The following USP43 variants were observed in gnomAD, a reference collection of about 807,000 sequenced individuals.
USP43 encodes ubiquitin carboxyl-terminal hydrolase 43.
A neutral mutation model predicts 90.7 loss-of-function variants in USP43; 33 were observed. That is an observed-to-expected ratio of 0.36 (90% CI 0.28 to 0.49). The LOEUF is 0.49. USP43 is among the 20% of genes least tolerant of loss of function. The probability of loss-of-function intolerance (pLI) is 0.98; values close to 1 mark genes in which losing one functional copy is unlikely to be tolerated. For synonymous variants in USP43, 598 were observed against 615.8 expected (o/e 0.97, Z 0.43); for missense variants, 1,274 against 1,476.4 (o/e 0.86, Z 2.25).
intron 14 of USP43, among the ~76,000 whole-genome samples, chr17:9,722,426 A>G (rs1917009984): frequency 1.3e-5 from 2 of 152,140 alleles, no homozygotes; most frequent in African/African-American, 4.8e-5. Context: ...TGGAGCCTTC[A>G]GTCCATGCCG....
chr17:9,650,669 G>A (rs565878709), intron 1 of USP43, among the ~76,000 whole-genome samples: 1 of 152,180 alleles, frequency 6.6e-6, no homozygotes, highest in Admixed American at 6.5e-5. Context: ...TCTCATTACA[G>A]GTATGAGCCA....
At chr17:9,691,050 A>C (rs1047743405) in intron 8 of USP43, among the ~76,000 whole-genome samples, 1 of 151,758 alleles carries the variant, frequency 6.6e-6, no homozygotes, top group Non-Finnish European at 1.5e-5. Context: ...GGCTTATTTC[A>C]CTAAATGTCA....
chr17:9,665,703 A>G (rs1486497184), intron 2 of USP43, among the ~76,000 whole-genome samples: 1 of 152,206 alleles, frequency 6.6e-6, no homozygotes, highest in Admixed American at 6.5e-5. Context: ...AGATGGGGTC[A>G]TTAACCTGGA....
In USP43 at chr17:9,664,730, C is replaced by CG. The variant is rs965140108; in HGVS notation, c.637-1914dup. 3.0e-4 allele frequency among the ~76,000 whole-genome samples: 45 copies of CG among 151,774 alleles called. 1 individual carries two copies. Among genetic ancestry groups the CG allele is most frequent in the African/African-American group, 7.3e-4 (30 of 41,258 alleles). On this transcript the variant is annotated intron_variant, in intron 2 of 14. Transcript: ENST00000285199. ...TCGGCTCACTTTAAGCTCCGCCTCC[C>CG]GGGGTCACGCCATTCTCCTGCCTCA...
intron 1 of USP43, among the ~76,000 whole-genome samples, chr17:9,654,615 C>T (rs1006589530): frequency 6.7e-6 from 1 of 148,964 alleles, no homozygotes; most frequent in African/African-American, 2.5e-5. Flanking sequence ...TGCCATTGCA[C>T]TCTAGCCTGG....
chr17:9,656,319 CT>C, intron 1 of USP43, 83 bp from the exon 2 acceptor site: 2 of 1,516,684 alleles, frequency 1.3e-6, no homozygotes, highest in Non-Finnish European at 1.8e-6. Flanking sequence ...ATAATGACCA[CT>C]TGGTAGACCT....
At chr17:9,700,376 C>G (rs1915501402) in intron 10 of USP43, 127 bp downstream of exon 10, 5 of 847,034 alleles carry the variant, frequency 5.9e-6, no homozygotes, top group Non-Finnish European at 9.1e-6. Context: ...CCAGTGTAAC[C>G]CGTTCCTGTG....
At chr17:9,721,913 G>A (rs956294016) in intron 14 of USP43, among the ~76,000 whole-genome samples, 1 of 107,508 alleles carries the variant, frequency 9.3e-6, no homozygotes, top group Admixed American at 8.9e-5. Flanking sequence ...TTTTTTTTTT[G>A]TATTTTTAGT....
intron 5 of USP43, among the ~76,000 whole-genome samples, chr17:9,677,439 C>A (rs760512924): frequency 6.6e-6 from 1 of 152,210 alleles, no homozygotes; most frequent in Non-Finnish European, 1.5e-5. Context: ...GCAGGAGGAC[C>A]TGCTGAGAGA....
intron 1 of USP43, among the ~76,000 whole-genome samples, chr17:9,653,945 G>A (rs1383500101): frequency 6.6e-6 from 1 of 152,144 alleles, no homozygotes; most frequent in Non-Finnish European, 1.5e-5. Flanking sequence ...ATAGGGGAAG[G>A]GTAGAGACAT....
chr17:9,688,959 G>A (rs1398896465), intron 8 of USP43, among the ~76,000 whole-genome samples: 1 of 152,152 alleles, frequency 6.6e-6, no homozygotes, highest in Non-Finnish European at 1.5e-5. Flanking sequence ...AAAGTGTTGG[G>A]ATTACAGGTG....
chr17:9,658,776 T>C (rs1305535865), intron 2 of USP43, among the ~76,000 whole-genome samples: 1 of 152,216 alleles, frequency 6.6e-6, no homozygotes, highest in East Asian at 1.9e-4. Flanking sequence ...CAAACCAGCT[T>C]CAGGTAGGGC....
intron 1 of USP43, among the ~76,000 whole-genome samples, chr17:9,647,973 A>G (rs1466113857): frequency 6.6e-6 from 1 of 152,102 alleles, no homozygotes; most frequent in Non-Finnish European, 1.5e-5. Flanking sequence ...GTGAGCCGAG[A>G]TTGCGCCACT....
chr17:9,727,706 C>T (rs761215937), intron 14 of USP43, among the ~76,000 whole-genome samples: 2 of 152,122 alleles, frequency 1.3e-5, no homozygotes, highest in Non-Finnish European at 2.9e-5. Context: ...CTGTGCTGCC[C>T]GGCATGTAGA....
chr17:9,716,353 T>TA (rs1193398614), intron 14 of USP43, among the ~76,000 whole-genome samples: 1 of 152,184 alleles, frequency 6.6e-6, no homozygotes, highest in East Asian at 1.9e-4. Flanking sequence ...GTATATTAAG[T>TA]ATACAGCTGA....
intron 12 of USP43, among the ~76,000 whole-genome samples, chr17:9,703,282 G>T (rs948456229): frequency 1.3e-5 from 2 of 151,926 alleles, no homozygotes; most frequent in Non-Finnish European, 2.9e-5. Flanking sequence ...CATTTCCCAT[G>T]CTGAACGTGC....
chr17:9,647,529 T>C (rs935747637), intron 1 of USP43: 2 of 152,202 alleles, frequency 1.3e-5, no homozygotes, highest in African/African-American at 4.8e-5. Flanking sequence ...TTGTATTAAA[T>C]GAGTTCTATG....
chr17:9,720,449 C>T (rs1385202422), intron 14 of USP43, among the ~76,000 whole-genome samples: 1 of 150,428 alleles, frequency 6.6e-6, no homozygotes, highest in African/African-American at 2.4e-5. Flanking sequence ...GGTACCACCT[C>T]TCCTTCCCAC....
intron 8 of USP43, 127 bp from the exon 9 acceptor site, chr17:9,693,000 A>T: frequency 1.3e-6 from 1 of 752,322 alleles, no homozygotes; most frequent in Non-Finnish European, 2.2e-6. Context: ...TCTAATTATT[A>T]CGGGAATATT....
Sources: gnomAD v4.1 joint callset for allele counts (sites outside exome capture counted in the v4.1 genomes callset) on GRCh38, gnomAD v4.1.1 for gene constraint, MANE v1.5 for transcripts, NCBI Gene and HGNC (gene_info 2026-07-23, HGNC 2026-07-21) for gene names.